Variants in CEP350 observed in about 807,000 individuals in gnomAD.
The protein encoded by CEP350 is centrosome-associated protein 350.
A neutral mutation model predicts 331.8 loss-of-function variants in CEP350; 126 were observed. That is an observed-to-expected ratio of 0.38 (90% CI 0.33 to 0.44). CEP350 has a LOEUF of 0.44. Among genes scored for constraint, CEP350 ranks in the 20% least tolerant of loss-of-function variants. The pLI is 1.00. For missense variants in CEP350, 3,406 were observed against 3,634.6 expected, an observed-to-expected ratio of 0.94 and a Z score of 1.62; for synonymous variants, 1,200 against 1,259.5, an observed-to-expected ratio of 0.95 and a Z score of 1.00.
At chr1:180,085,616 C>T (rs890249017) in intron 31 of CEP350, 2 of 152,194 alleles carry the variant, frequency 1.3e-5, no homozygotes, top group Non-Finnish European at 2.9e-5. Context: ...TGCAAGAATC[C>T]CTTCTCATCT....
intron 28 of CEP350, among the ~76,000 whole-genome samples, chr1:180,075,575 A>G (rs1485678771): frequency 2.0e-5 from 3 of 152,158 alleles, no homozygotes; most frequent in African/African-American, 7.2e-5. Context: ...GTCTCTAAAA[A>G]TAAAATAAAA....
chr1:180,095,513 A>T lies in CEP350; in HGVS notation c.8512-10A>T. 1.9e-6 allele frequency: 3 copies of T among 1,609,408 alleles called. No individual in the cohort carries two copies. The highest frequency in any genetic ancestry group is 2.5e-6 in the Non-Finnish European group (3 of 1,177,218). ...AATGGTGCTCTGTTTGAATGGTTCC[A>T]TTTCTATAGGAGAGCCCAGTATTTG... On this transcript the variant is annotated splice_polypyrimidine_tract_variant and intron_variant, in intron 34 of 37. Transcript: ENST00000367607.
intron 28 of CEP350, among the ~76,000 whole-genome samples, chr1:180,078,083 A>T (rs1158423391): frequency 6.6e-6 from 1 of 152,108 alleles, no homozygotes; most frequent in Admixed American, 6.6e-5. Context: ...CAGTGAGCCG[A>T]GATCATGCTA....
Position 179,997,010 on chromosome 1 carries a change from C to T in CEP350, c.853C>T (p.Leu285Phe). Residue 285 changes from leucine (L) to phenylalanine (F), a missense_variant, in exon 6 of 38, where the codon CTT becomes TTT. Leu to Phe is a conservative substitution (Grantham distance 22). Transcript: ENST00000367607. ...RRQHDVKLEK[L>F]KERIRKQWEH... The stretch of plus-strand genomic sequence containing the variant: ...ACAACATGATGTCAAACTGGAAAAA[C>T]TTAAGGAACGGATTAGAAAACAGTG... The T allele has an allele frequency of 6.2e-7, 1 of 1,613,994 alleles. No homozygotes were observed. Among genetic ancestry groups the T allele is most frequent in the Non-Finnish European group, 8.5e-7 (1 of 1,179,884 alleles).
chr1:179,979,766 G>A (rs75287870), intron 1 of CEP350, among the ~76,000 whole-genome samples: 18,884 of 152,032 alleles, frequency 0.12, 1,247 homozygotes, highest in South Asian at 0.16. Context: ...TTCTGCATAT[G>A]GAGATTCAGT....
At chr1:179,980,885 A>G (rs1233650833) in intron 1 of CEP350, among the ~76,000 whole-genome samples, 2 of 152,190 alleles carry the variant, frequency 1.3e-5, no homozygotes, top group Non-Finnish European at 2.9e-5. Context: ...TAAAAGACAA[A>G]TATTATTACA....
At chr1:180,063,482 C>T (rs1041080458) in intron 26 of CEP350, among the ~76,000 whole-genome samples, 10 of 151,822 alleles carry the variant, frequency 6.6e-5, no homozygotes, top group African/African-American at 2.4e-4. Context: ...TGTGAGCCAC[C>T]ATGTCCAGTG....
At chr1:180,057,186 C>T (rs1250245923) in intron 25 of CEP350, among the ~76,000 whole-genome samples, 1 of 151,620 alleles carries the variant, frequency 6.6e-6, no homozygotes, top group East Asian at 1.9e-4. Flanking sequence ...GCAACCCCTG[C>T]CTCTCGGGTA....
intron 33 of CEP350, among the ~76,000 whole-genome samples, chr1:180,091,707 A>G (rs530835313): frequency 2.0e-5 from 3 of 152,114 alleles, no homozygotes; most frequent in East Asian, 1.9e-4. Context: ...GTGCACACCT[A>G]TAGTCCCAGC....
intron 1 of CEP350, chr1:179,968,941 A>G (rs981932976): frequency 2.4e-5 from 18 of 757,760 alleles, no homozygotes; most frequent in African/African-American, 2.2e-4. Context: ...AGCCACTCCA[A>G]TTGCTGACTG....
chr1:180,062,353 G>A lies in CEP350; in HGVS notation c.5396G>A (p.Gly1799Glu). The A allele has an allele frequency of 6.2e-7, 1 of 1,600,410 alleles. No homozygotes were observed. Among genetic ancestry groups the A allele is most frequent in the South Asian group, 1.1e-5 (1 of 88,412 alleles). ...IKLQEKLKSAGESKLDSHSDD... is the reference protein window; with the variant it reads ...IKLQEKLKSAEESKLDSHSDD... ...CTACAGGAGAAATTGAAGTCTGCAG[G>A]GGAGAGTAAATTGGTAAACTACATG... Residue 1799 changes from glycine (G) to glutamate (E), a missense_variant, in exon 26 of 38, where the codon GGG (glycine) becomes GAG (glutamate). By Grantham distance (98) the Gly-to-Glu change is moderately conservative. Around this residue, in one of 5 missense-constraint regions of CEP350, gnomAD observed 1,415 missense variants for 1,512.3 expected, o/e 0.94. Coordinates refer to ENST00000367607, the MANE Select transcript of CEP350 (RefSeq NM_014810.5).
At chr1:180,073,774 C>CTTA in intron 27 of CEP350, 1 of 1,301,654 alleles carries the variant, frequency 7.7e-7, no homozygotes, top group Non-Finnish European at 1.0e-6. Context: ...AATCTTCCTC[C>CTTA]TTATTTTGTA....
intron 5 of CEP350, among the ~76,000 whole-genome samples, chr1:179,995,618 C>G (rs886533738): frequency 6.6e-6 from 1 of 152,086 alleles, no homozygotes; most frequent in African/African-American, 2.4e-5. Flanking sequence ...ATCAATCAAT[C>G]AATCAATCTA....
chr1:180,073,901 T>C (rs1659050330), intron 27 of CEP350: 3 of 1,304,640 alleles, frequency 2.3e-6, no homozygotes, highest in Non-Finnish European at 3.0e-6. Flanking sequence ...CTACAACCAG[T>C]TGGTCAGGTA....
intron 25 of CEP350, among the ~76,000 whole-genome samples, chr1:180,061,800 A>T (rs1004261982): frequency 6.6e-6 from 1 of 152,346 alleles, no homozygotes; most frequent in East Asian, 1.9e-4. Flanking sequence ...TGAAACAGCT[A>T]TGGGCATTAA....
Position 180,048,543 on chromosome 1 carries a change from A to C in CEP350, c.4630A>C (p.Ser1544Arg), listed in dbSNP as rs749903206. 4.7e-5 allele frequency: 75 copies of C among 1,597,594 alleles called. No individual in the cohort carries two copies. Among genetic ancestry groups the C allele is most frequent in the Non-Finnish European group, 6.0e-5 (70 of 1,169,666 alleles). ...GYKNHDRRSS[S>R]GSSRQESPSV... ...CCATGTATCCATAAAAAGAAGTAGC[A>C]GTGGTAGCAGCCGCCAAGAAAGTCC... is the stretch of plus-strand genomic sequence containing the variant. Residue 1544 changes from serine (S) to arginine (R), a missense_variant, in exon 22 of 38, where the codon AGT becomes CGT. Coordinates refer to ENST00000367607, the MANE Select transcript of CEP350 (RefSeq NM_014810.5).
intron 1 of CEP350, among the ~76,000 whole-genome samples, chr1:179,973,254 G>A (rs1651592302): frequency 1.3e-5 from 2 of 152,192 alleles, no homozygotes; most frequent in South Asian, 2.1e-4. Flanking sequence ...AGTAATTCCT[G>A]CAAATAATCT....
chr1:180,078,865 TA>T (rs1482507310), intron 29 of CEP350, among the ~76,000 whole-genome samples, 191 bp downstream of exon 29: 2 of 152,196 alleles, frequency 1.3e-5, no homozygotes, highest in African/African-American at 4.8e-5. Flanking sequence ...GTGAAGGTTA[TA>T]AAATCATTTG....
chr1:180,005,150 T>A (rs1329059235), intron 7 of CEP350, among the ~76,000 whole-genome samples: 1 of 151,886 alleles, frequency 6.6e-6, no homozygotes, highest in East Asian at 1.9e-4. Context: ...TGTTCCCTGT[T>A]GCTAGTGATT....
Sources: allele counts gnomAD v4.1 joint callset (sites outside exome capture counted in the v4.1 genomes callset), GRCh38; gene constraint gnomAD v4.1.1; regional missense constraint gnomAD v4.1.1; transcripts MANE v1.5; gene names NCBI Gene and HGNC (gene_info 2026-07-23, HGNC 2026-07-21).